The following COMMD10 variants were observed in gnomAD, a reference collection of about 807,000 sequenced individuals.
COMMD10 encodes COMM domain-containing protein 10.
Under a neutral mutation model 28.9 loss-of-function variants are expected in COMMD10, and 33 were observed. That is an observed-to-expected ratio of 1.14 (90% CI 0.87 to 1.53). The LOEUF (loss-of-function observed/expected upper bound fraction) is 1.53, where lower values mean the gene tolerates loss of function less well. Ranked by LOEUF, COMMD10 falls within the 40% of genes most tolerant of loss-of-function variation. The probability of loss-of-function intolerance (pLI) is 0.00; values close to 1 mark genes in which losing one functional copy is unlikely to be tolerated. For synonymous variants in COMMD10, 110 were observed against 81.7 expected (o/e 1.35, Z -1.87); for missense variants, 310 against 233.4 (o/e 1.33, Z -2.14).
At chr5:116,194,783 A>G (rs879358463) in intron 5 of COMMD10, among the ~76,000 whole-genome samples, 1 of 152,178 alleles carries the variant, frequency 6.6e-6, no homozygotes, top group Admixed American at 6.5e-5. Context: ...ATTCCACAAG[A>G]TAAAGAAGGA....
At chr5:116,259,544 TG>T (rs1750381557) in intron 5 of COMMD10, among the ~76,000 whole-genome samples, 1 of 151,694 alleles carries the variant, frequency 6.6e-6, no homozygotes, top group African/African-American at 2.4e-5. Flanking sequence ...GATTTTTGGT[TG>T]TTTGTTGTTT....
At chr5:116,167,888 G>A (rs1753184468) in intron 5 of COMMD10, among the ~76,000 whole-genome samples, 1 of 152,156 alleles carries the variant, frequency 6.6e-6, no homozygotes, top group Non-Finnish European at 1.5e-5. Flanking sequence ...ATACAAAATT[G>A]TAAAGACCAT....
rs1751516277 is a variant in COMMD10, at chr5:116,123,570, G to T, written c.400-10498G>T. ...CTCTGTCAGGCTTTGGTATCAAGAT[G>T]ATGCTGGCCTCATAAAATGAGTTAG... On this transcript the variant is annotated intron_variant, in intron 4 of 6. Transcript: ENST00000274458. Among the ~76,000 whole-genome samples the T allele has an allele frequency of 5.3e-5, 8 of 152,264 alleles. No homozygotes were observed. The South Asian group carries it at 1.7e-3, about 32-fold the overall frequency.
At chr5:116,149,807 G>T (rs549650394) in intron 5 of COMMD10, among the ~76,000 whole-genome samples, 6 of 142,918 alleles carry the variant, frequency 4.2e-5, no homozygotes, top group Non-Finnish European at 6.2e-5. Flanking sequence ...TTTGTAGGTT[G>T]CCTGTTCACT....
At chr5:116,173,044 T>C (rs952017424) in intron 5 of COMMD10, among the ~76,000 whole-genome samples, 17 of 152,138 alleles carry the variant, frequency 1.1e-4, no homozygotes, top group African/African-American at 3.9e-4. Context: ...AATTAACACA[T>C]ATAACCCTTT....
chr5:116,218,366 G>A (rs1414788225), intron 5 of COMMD10: 5 of 582,044 alleles, frequency 8.6e-6, no homozygotes, highest in Non-Finnish European at 1.3e-5. Flanking sequence ...GCTTTGGTGA[G>A]TCCAGGGGTC....
intron 5 of COMMD10, among the ~76,000 whole-genome samples, chr5:116,197,837 C>T (rs991243373): frequency 7.2e-5 from 11 of 152,116 alleles, no homozygotes; most frequent in Non-Finnish European, 1.0e-4. Context: ...TAAAGAAGTA[C>T]AGGGAGATTA....
chr5:116,156,295 G>C (rs1176836554), intron 5 of COMMD10, among the ~76,000 whole-genome samples: 1 of 152,136 alleles, frequency 6.6e-6, no homozygotes, highest in Non-Finnish European at 1.5e-5. Context: ...GTTGCTAGAG[G>C]ATGTCAAGCA....
At chr5:116,264,277 CT>C (rs2112688923) in intron 5 of COMMD10, among the ~76,000 whole-genome samples, 1 of 151,920 alleles carries the variant, frequency 6.6e-6, no homozygotes, top group South Asian at 2.1e-4. Flanking sequence ...GTTTGTTAAA[CT>C]GTAATTCAGG....
intron 5 of COMMD10, among the ~76,000 whole-genome samples, chr5:116,173,897 T>A (rs2112585680): frequency 6.6e-6 from 1 of 151,950 alleles, no homozygotes; most frequent in East Asian, 1.9e-4. Flanking sequence ...TAATATGAAT[T>A]CATTCCTTAA....
At chr5:116,264,239 G>A (rs1170460106) in intron 5 of COMMD10, among the ~76,000 whole-genome samples, 1 of 151,664 alleles carries the variant, frequency 6.6e-6, no homozygotes. Flanking sequence ...CTTGGTGCTG[G>A]GGGAAGAAAG....
chr5:116,139,766 T>A (rs1429719638), intron 5 of COMMD10, among the ~76,000 whole-genome samples: 2 of 151,744 alleles, frequency 1.3e-5, no homozygotes, highest in Non-Finnish European at 3.0e-5. Flanking sequence ...GAGTGGATTT[T>A]AAATTGTATA....
At chr5:116,141,819 G>T (rs933083726) in intron 5 of COMMD10, among the ~76,000 whole-genome samples, 1 of 151,800 alleles carries the variant, frequency 6.6e-6, no homozygotes, top group South Asian at 2.1e-4. Context: ...TTTGTAAGGT[G>T]TATGCTACTT....
chr5:116,118,153 C>T (rs893112848), intron 4 of COMMD10, among the ~76,000 whole-genome samples: 5 of 152,200 alleles, frequency 3.3e-5, no homozygotes, highest in Admixed American at 6.5e-5. Flanking sequence ...TGGCTTGGTT[C>T]CTTTTTCCAG....
intron 5 of COMMD10, among the ~76,000 whole-genome samples, chr5:116,210,000 G>C (rs1179383853): frequency 6.6e-6 from 1 of 152,038 alleles, no homozygotes; most frequent in East Asian, 1.9e-4. Flanking sequence ...TCTGGTAAGG[G>C]CCTTCTTGCT....
At chr5:116,126,934 T>A (rs1751669621) in intron 4 of COMMD10, among the ~76,000 whole-genome samples, 1 of 152,146 alleles carries the variant, frequency 6.6e-6, no homozygotes, top group East Asian at 1.9e-4. Context: ...TGGGATCTAA[T>A]TAAACTAAAG....
At chr5:116,138,478 A>G (rs1014252203) in intron 5 of COMMD10, among the ~76,000 whole-genome samples, 5 of 151,808 alleles carry the variant, frequency 3.3e-5, no homozygotes, top group Non-Finnish European at 7.4e-5. Context: ...TTAACTTTGA[A>G]TATCTTAAAA....
At chr5:116,145,220 TGGGTATTTTA>T (rs1272131050) in intron 5 of COMMD10, among the ~76,000 whole-genome samples, 1 of 151,852 alleles carries the variant, frequency 6.6e-6, no homozygotes, top group East Asian at 1.9e-4. Context: ...TTGAACAAAC[TGGGTATTTTA>T]GGGTATTTTT....
intron 5 of COMMD10, among the ~76,000 whole-genome samples, chr5:116,269,800 C>T (rs535747838): frequency 6.6e-6 from 1 of 151,718 alleles, no homozygotes; most frequent in Non-Finnish European, 1.5e-5. Flanking sequence ...TTAAAGTACC[C>T]TTCCTAGTCT....
Sources: gnomAD v4.1 joint callset for allele counts (sites outside exome capture counted in the v4.1 genomes callset) on GRCh38, gnomAD v4.1.1 for gene constraint, MANE v1.5 for transcripts, NCBI Gene and HGNC (gene_info 2026-07-23, HGNC 2026-07-21) for gene names.